SCHIP1: variants seen among roughly 807,000 people sequenced by gnomAD.
The protein encoded by SCHIP1 is schwannomin interacting protein 1.
In SCHIP1, 8 loss-of-function variants were observed where a neutral mutation model predicts 29.7. The ratio of observed to expected loss-of-function variants is 0.27; its 90% confidence interval spans 0.16 to 0.49. The LOEUF (loss-of-function observed/expected upper bound fraction) is 0.49. SCHIP1 is among the 20% of genes least tolerant of loss of function. SCHIP1 has a pLI of 0.99. For synonymous variants in SCHIP1, 76 were observed against 94.9 expected (o/e 0.80, Z 1.16); for missense variants, 193 against 294.6 (o/e 0.66, Z 2.52).
At chr3:159,476,743 C>A in the SCHIP1 span, among the ~76,000 whole-genome samples, 1 of 152,076 alleles carries the variant, frequency 6.6e-6, no homozygotes, top group Non-Finnish European at 1.5e-5. Flanking sequence ...TTGATAGGTA[C>A]ATACAATGTG....
the SCHIP1 span, among the ~76,000 whole-genome samples, chr3:159,781,594 CAAT>C: frequency 2.0e-5 from 3 of 152,210 alleles, no homozygotes; most frequent in Admixed American, 6.5e-5. Context: ...TAACTTTACT[CAAT>C]GAGTGAATAT....
the SCHIP1 span, among the ~76,000 whole-genome samples, chr3:159,450,067 T>C: frequency 6.6e-6 from 1 of 152,192 alleles, no homozygotes. Context: ...TCTTTCTTAT[T>C]GGCAAAATCA....
chr3:159,368,076 CT>C, the SCHIP1 span, among the ~76,000 whole-genome samples: 1 of 152,080 alleles, frequency 6.6e-6, no homozygotes, highest in African/African-American at 2.4e-5. Context: ...AACATTTTTC[CT>C]TTTTTTCCTG....
chr3:159,502,390 A>T, the SCHIP1 span, among the ~76,000 whole-genome samples: 1 of 152,234 alleles, frequency 6.6e-6, no homozygotes, highest in East Asian at 1.9e-4. Context: ...GGGAATGCAG[A>T]GAAGGACAAC....
At chr3:159,347,131 G>GAT in the SCHIP1 span, among the ~76,000 whole-genome samples, 3 of 152,214 alleles carry the variant, frequency 2.0e-5, no homozygotes, top group East Asian at 5.8e-4. Context: ...ATCTATAGAC[G>GAT]ATAGTACGTG....
chr3:159,296,141 CTTTT>C, the SCHIP1 span, among the ~76,000 whole-genome samples: 1 of 144,438 alleles, frequency 6.9e-6, no homozygotes, highest in Admixed American at 6.9e-5. Flanking sequence ...GCTTGCTGCT[CTTTT>C]TTTTTTTTTG....
chr3:159,430,323 AT>A, the SCHIP1 span, among the ~76,000 whole-genome samples: 1 of 152,212 alleles, frequency 6.6e-6, no homozygotes, highest in Non-Finnish European at 1.5e-5. Context: ...CTCATTTTAT[AT>A]TTATGATGCA....
At chr3:159,404,189 C>T in the SCHIP1 span, among the ~76,000 whole-genome samples, 35 of 152,084 alleles carry the variant, frequency 2.3e-4, no homozygotes, top group Middle Eastern at 3.4e-3. Context: ...GCTTCGTGTG[C>T]GACCCAGCAC....
At chr3:159,496,746 C>A in the SCHIP1 span, among the ~76,000 whole-genome samples, 1 of 152,154 alleles carries the variant, frequency 6.6e-6, no homozygotes, top group Non-Finnish European at 1.5e-5. Context: ...CCAGCCATCC[C>A]ATTACTGAGT....
chr3:159,472,182 T>C, the SCHIP1 span, among the ~76,000 whole-genome samples: 1 of 152,154 alleles, frequency 6.6e-6, no homozygotes, highest in Non-Finnish European at 1.5e-5. Context: ...TGATCTTAAA[T>C]GAAACAAGCA....
rs930105111 is a variant in SCHIP1, at chr3:159,881,719, A to G, written c.150-4488A>G. 5.9e-5 allele frequency among the ~76,000 whole-genome samples: 9 copies of G among 152,200 alleles called. No individual in the cohort carries two copies. In the East Asian group the frequency reaches 1.3e-3, roughly 23 times the overall value. On this transcript the variant is annotated intron_variant, in intron 2 of 6. Transcript: ENST00000445224. ...CTTCGTGACCCTGTACCAGTTACCT[A>G]TTGCCACAATGATGATGCGTAATTT...
At chr3:159,278,581 G>A in the SCHIP1 span, among the ~76,000 whole-genome samples, 1 of 152,072 alleles carries the variant, frequency 6.6e-6, no homozygotes, top group South Asian at 2.1e-4. Flanking sequence ...CTTTCAATCT[G>A]TATAGCTATA....
At chr3:159,308,417 T>C in the SCHIP1 span, among the ~76,000 whole-genome samples, 1 of 152,086 alleles carries the variant, frequency 6.6e-6, no homozygotes, top group African/African-American at 2.4e-5. Context: ...CTAACACACA[T>C]ACGGAAAAAC....
chr3:159,428,808 C>A, the SCHIP1 span, among the ~76,000 whole-genome samples: 48 of 152,178 alleles, frequency 3.2e-4, no homozygotes, highest in African/African-American at 9.9e-4. Flanking sequence ...AATGTCCAAC[C>A]ATGATAGACT....
At chr3:159,480,052 C>T in the SCHIP1 span, among the ~76,000 whole-genome samples, 1 of 152,146 alleles carries the variant, frequency 6.6e-6, no homozygotes, top group Non-Finnish European at 1.5e-5. Context: ...CTGAAGCCCA[C>T]CAGCCTTCTA....
the SCHIP1 span, among the ~76,000 whole-genome samples, chr3:159,455,673 A>G: frequency 1.3e-5 from 2 of 152,200 alleles, no homozygotes; most frequent in Non-Finnish European, 2.9e-5. Context: ...GATAGGCCCA[A>G]TCCTAATGAT....
intron 1 of SCHIP1, among the ~76,000 whole-genome samples, chr3:159,856,801 C>G (rs1308796276): frequency 6.6e-6 from 1 of 152,196 alleles, no homozygotes; most frequent in Non-Finnish European, 1.5e-5. Context: ...AGTGAAGCCA[C>G]AGCTGCGCCT....
At chr3:159,619,940 C>T in the SCHIP1 span, among the ~76,000 whole-genome samples, 7,598 of 152,182 alleles carry the variant, frequency 0.05, 445 homozygotes, top group East Asian at 0.17. Flanking sequence ...AGTTCTTTAC[C>T]AAGTAGTAAA....
chr3:159,337,560 A>C, the SCHIP1 span, among the ~76,000 whole-genome samples: 1 of 152,130 alleles, frequency 6.6e-6, no homozygotes, highest in African/African-American at 2.4e-5. Flanking sequence ...TAACACACAA[A>C]CAGAGCGCCA....
Sources: allele counts gnomAD v4.1 joint callset (sites outside exome capture counted in the v4.1 genomes callset), GRCh38; gene constraint gnomAD v4.1.1; transcripts MANE v1.5; gene names NCBI Gene and HGNC (gene_info 2026-07-23, HGNC 2026-07-21).